KTN1: variants seen among roughly 807,000 people sequenced by gnomAD.
The protein encoded by KTN1 is kinectin.
KTN1 carries 130 observed loss-of-function variants against 222.5 expected under a neutral mutation model. The ratio of observed to expected loss-of-function variants is 0.58; its 90% CI spans 0.51 to 0.68. The LOEUF is 0.68. KTN1 is among the 30% of genes least tolerant of loss of function. The pLI, the probability that KTN1 is intolerant of heterozygous loss-of-function variation, is 0.00. For missense variants in KTN1, 1,508 were observed against 1,500.4 expected (o/e 1.01, Z -0.08); for synonymous variants, 512 against 496.3 (o/e 1.03, Z -0.42).
At chr14:55,637,662 A>G in intron 11 of KTN1, 117 bp from the exon 12 acceptor site, 1 of 715,516 alleles carries the variant, frequency 1.4e-6, no homozygotes, top group Non-Finnish European at 2.3e-6. Context: ...GAATCTAAGA[A>G]TGCCTTAAAA....
intron 28 of KTN1, among the ~76,000 whole-genome samples, chr14:55,654,437 TCTTATTTGCTTGGAAAG>T (rs1269644673): frequency 6.6e-6 from 1 of 152,220 alleles, no homozygotes; most frequent in Non-Finnish European, 1.5e-5. Context: ...GGTGCTTATC[TCTTATTTGCTTGGAAAG>T]CTTAGGGCCT....
At chr14:55,680,569 G>T in intron 43 of KTN1, 1 of 551,440 alleles carries the variant, frequency 1.8e-6, no homozygotes, top group Non-Finnish European at 3.6e-6. Context: ...ATCCCTTTCA[G>T]AACCCCTGAT....
chr14:55,662,080 T>C (rs2141231798), intron 32 of KTN1, among the ~76,000 whole-genome samples: 1 of 151,346 alleles, frequency 6.6e-6, no homozygotes, highest in South Asian at 2.1e-4. Context: ...TTTTTTTTTT[T>C]TTTTTTTTAA....
At chr14:55,645,490 C>T (rs1244923278) in intron 18 of KTN1, among the ~76,000 whole-genome samples, 4 of 152,220 alleles carry the variant, frequency 2.6e-5, no homozygotes, top group South Asian at 4.1e-4. Context: ...AGGTACAATA[C>T]AGTAAATGGT....
intron 43 of KTN1, chr14:55,682,401 A>C (rs1474251060): frequency 6.6e-6 from 1 of 152,074 alleles, no homozygotes. Flanking sequence ...TTTTGTTCCC[A>C]GATATCTACT....
At chr14:55,656,265 T>C (rs1402976595) in intron 29 of KTN1, 133 bp downstream of exon 29, 3 of 621,592 alleles carry the variant, frequency 4.8e-6, no homozygotes, top group East Asian at 5.6e-5. Flanking sequence ...GGTGTCATTA[T>C]TGGCATGTTT....
At chr14:55,683,962 T>A (rs2046579919) in intron 43 of KTN1, 137 bp from the exon 44 acceptor site, 1 of 554,566 alleles carries the variant, frequency 1.8e-6, no homozygotes, top group African/African-American at 2.0e-5. Context: ...ACCATTAGTG[T>A]GAATTGCTTT....
intron 2 of KTN1, among the ~76,000 whole-genome samples, chr14:55,613,769 C>T (rs189613272): frequency 4.6e-5 from 7 of 152,038 alleles, no homozygotes; most frequent in Non-Finnish European, 5.9e-5. Context: ...ACGCTTGACC[C>T]GGTTGTATTG....
At chr14:55,677,581 A>G (rs2141383846) in intron 41 of KTN1, among the ~76,000 whole-genome samples, 1 of 152,304 alleles carries the variant, frequency 6.6e-6, no homozygotes, top group South Asian at 2.1e-4. Flanking sequence ...ATAAGCACAT[A>G]ATATGTAGAG....
chr14:55,673,054 G>T (rs1364829023), intron 39 of KTN1, 42 bp downstream of exon 39: 2 of 1,552,570 alleles, frequency 1.3e-6, no homozygotes, highest in African/African-American at 2.7e-5. Flanking sequence ...TCTCAATTCA[G>T]ATTAAGTTTA....
intron 1 of KTN1, among the ~76,000 whole-genome samples, chr14:55,607,195 G>A (rs1166472140): frequency 6.6e-6 from 1 of 152,168 alleles, no homozygotes; most frequent in Admixed American, 6.5e-5. Flanking sequence ...TTAACTCAGT[G>A]ATGTGTCTCA....
intron 5 of KTN1, 32 bp downstream of exon 5, chr14:55,619,344 A>G (rs779515103): frequency 1.9e-6 from 3 of 1,606,898 alleles, no homozygotes; most frequent in Non-Finnish European, 1.7e-6. Flanking sequence ...GGGCATATTC[A>G]TGACCAGTCA....
chr14:55,673,980 T>G (rs997800616), intron 40 of KTN1: 1 of 152,122 alleles, frequency 6.6e-6, no homozygotes, highest in Non-Finnish European at 1.5e-5. Context: ...AGTTAAAAAT[T>G]GTTACAGCAC....
chr14:55,664,847 A>G (rs1595215152), intron 33 of KTN1, among the ~76,000 whole-genome samples: 2 of 152,180 alleles, frequency 1.3e-5, no homozygotes, highest in Admixed American at 1.3e-4. Flanking sequence ...GGGGTATTGA[A>G]TTTTGCAGAC....
At chr14:55,619,938 C>T (rs1053255927) in intron 5 of KTN1, among the ~76,000 whole-genome samples, 4 of 152,102 alleles carry the variant, frequency 2.6e-5, no homozygotes, top group African/African-American at 9.7e-5. Flanking sequence ...GTCCACAGTC[C>T]AAAGTCTCAT....
chr14:55,637,502 C>T (rs2041273116), intron 11 of KTN1, 138 bp downstream of exon 11: 4 of 713,100 alleles, frequency 5.6e-6, no homozygotes, highest in Admixed American at 6.3e-5. Flanking sequence ...GTCTTTTGAG[C>T]ACTTGTCACA....
chr14:55,663,591 A>T (rs1249949412), intron 32 of KTN1: 3 of 178,882 alleles, frequency 1.7e-5, no homozygotes, highest in Non-Finnish European at 3.5e-5. Context: ...AAAGCTTTTT[A>T]TAATACTTCT....
At chr14:55,634,409 G>T (rs896363336) in intron 8 of KTN1, 117 bp from the exon 9 acceptor site, 1 of 777,778 alleles carries the variant, frequency 1.3e-6, no homozygotes, top group African/African-American at 1.8e-5. Context: ...TTCTGTTTCA[G>T]TTGGGCTGTA....
rs778544668 is a variant in KTN1, at chr14:55,639,243, T to G, written c.1823+21T>G. On this transcript the variant is annotated intron_variant, in intron 13 of 43. Transcript: ENST00000395314. ...AAAGTGTAAGCCTACCTTTTCACAC[T>G]CTTATAATTGTGTAGTCACCACTAA... is the stretch of plus-strand genomic sequence containing the variant. 15 of 1,570,644 alleles carry G rather than the reference T, an allele frequency of 9.6e-6. No homozygotes were observed. In the South Asian group the frequency reaches 1.3e-4, roughly 14 times the overall value.
Sources: gnomAD v4.1 joint callset for allele counts (sites outside exome capture counted in the v4.1 genomes callset) on GRCh38, gnomAD v4.1.1 for gene constraint, MANE v1.5 for transcripts, NCBI Gene and HGNC (gene_info 2026-07-23, HGNC 2026-07-21) for gene names.